MTUS2: variants seen among roughly 807,000 people sequenced by gnomAD.
The protein encoded by MTUS2 is microtubule associated scaffold protein 2, also known as microtubule-associated tumor suppressor candidate 2.
MTUS2 carries 40 observed loss-of-function variants against 114.1 expected under a neutral mutation model. The observed-to-expected ratio is 0.35, with a 90% CI of 0.27 to 0.46. The LOEUF is 0.46. Ranked by LOEUF, MTUS2 falls within the 20% of genes least tolerant of loss-of-function variation. The pLI is 1.00. For synonymous variants in MTUS2, 688 were observed against 672.0 expected (o/e 1.02, Z -0.37); for missense variants, 1,679 against 1,705.4 (o/e 0.98, Z 0.27).
At chr13:29,054,521 AC>A (rs1888040852) in intron 4 of MTUS2, among the ~76,000 whole-genome samples, 2 of 152,096 alleles carry the variant, frequency 1.3e-5, no homozygotes, top group Admixed American at 1.3e-4. Context: ...GGCTGGAGAG[AC>A]AGGGGGAGTT....
At chr13:29,391,585 G>A (rs904551833) in intron 8 of MTUS2, among the ~76,000 whole-genome samples, 1 of 151,700 alleles carries the variant, frequency 6.6e-6, no homozygotes, top group African/African-American at 2.4e-5. Context: ...GAGATTTAGG[G>A]AATCTTCCTT....
At chr13:29,457,996 C>T (rs1000797701) in intron 9 of MTUS2, among the ~76,000 whole-genome samples, 2 of 152,174 alleles carry the variant, frequency 1.3e-5, no homozygotes, top group Admixed American at 6.5e-5. Context: ...TCATGATCCG[C>T]CTGCCTCGGC....
chr13:28,825,574 A>AAC (rs147787199), intron 1 of MTUS2, among the ~76,000 whole-genome samples: 24 of 151,262 alleles, frequency 1.6e-4, no homozygotes, highest in Non-Finnish European at 2.1e-4. Flanking sequence ...TAACCAGAAC[A>AAC]ACACACACAC....
intron 6 of MTUS2, among the ~76,000 whole-genome samples, chr13:29,319,937 G>A (rs751453259): frequency 6.6e-6 from 1 of 152,188 alleles, no homozygotes; most frequent in Non-Finnish European, 1.5e-5. Flanking sequence ...TGAGTTTTTG[G>A]TGAGTAAAAA....
At chr13:28,983,365 G>A (rs1179136861) in intron 2 of MTUS2, among the ~76,000 whole-genome samples, 1 of 152,170 alleles carries the variant, frequency 6.6e-6, no homozygotes, top group African/African-American at 2.4e-5. Flanking sequence ...AGCCATGTGT[G>A]GCTGTTGTGC....
intron 5 of MTUS2, among the ~76,000 whole-genome samples, chr13:29,195,207 A>C (rs1240713324): frequency 2.0e-5 from 3 of 151,304 alleles, no homozygotes; most frequent in East Asian, 1.9e-4. Flanking sequence ...ACTAACCTGC[A>C]CATTGTGCAC....
intron 2 of MTUS2, among the ~76,000 whole-genome samples, chr13:29,022,173 G>A (rs1180946816): frequency 6.6e-6 from 1 of 152,118 alleles, no homozygotes; most frequent in Non-Finnish European, 1.5e-5. Flanking sequence ...TTTAAAAAAT[G>A]GAACAAAAAC....
intron 8 of MTUS2, among the ~76,000 whole-genome samples, chr13:29,395,740 C>T (rs1308955604): frequency 6.6e-6 from 1 of 152,158 alleles, no homozygotes; most frequent in Non-Finnish European, 1.5e-5. Context: ...GCTTAAATAG[C>T]TGTTATGAGA....
At chr13:29,097,416 T>C (rs1477889333) in intron 4 of MTUS2, among the ~76,000 whole-genome samples, 2 of 152,224 alleles carry the variant, frequency 1.3e-5, no homozygotes, top group Non-Finnish European at 2.9e-5. Context: ...ATGTGCCACC[T>C]CAGCTTTCCT....
intron 8 of MTUS2, among the ~76,000 whole-genome samples, chr13:29,426,163 C>G (rs374466278): frequency 1.3e-5 from 2 of 152,138 alleles, no homozygotes; most frequent in African/African-American, 4.8e-5. Flanking sequence ...AGCTGTTTGC[C>G]TCCGGATAAA....
At chr13:28,822,230 A>G (rs1873951907) in intron 1 of MTUS2, among the ~76,000 whole-genome samples, 1 of 152,160 alleles carries the variant, frequency 6.6e-6, no homozygotes, top group Non-Finnish European at 1.5e-5. Context: ...AGCAGATCTT[A>G]TGGATGGTTT....
intron 6 of MTUS2, among the ~76,000 whole-genome samples, chr13:29,299,966 G>A (rs887300135): frequency 3.3e-5 from 5 of 152,002 alleles, no homozygotes; most frequent in Non-Finnish European, 7.4e-5. Context: ...TTTTGGAGGG[G>A]GGGGCACTTG....
intron 5 of MTUS2, among the ~76,000 whole-genome samples, chr13:29,171,213 A>G (rs61945880): frequency 4.6e-4 from 70 of 152,178 alleles, no homozygotes; most frequent in Non-Finnish European, 8.7e-4. Flanking sequence ...TGGTTAATGT[A>G]GGGCTAACAA....
intron 2 of MTUS2, among the ~76,000 whole-genome samples, chr13:28,949,306 C>T (rs1382191532): frequency 6.6e-6 from 1 of 150,652 alleles, no homozygotes; most frequent in Non-Finnish European, 1.5e-5. Context: ...TAGCCAGTGG[C>T]CTGCCTTGGG....
rs140588107 is a variant in MTUS2, at chr13:29,427,023, G to A, written c.3118-12960G>A. ...GTACTGTGAGCTTCTTTCCCTCTGA[G>A]GTCTGCCCAAGCTCACTGCCAAGGA... On this transcript the variant is annotated intron_variant, in intron 8 of 15. Transcript: ENST00000612955. 1.1e-4 allele frequency among the ~76,000 whole-genome samples: 16 copies of A among 152,300 alleles called. No individual in the cohort carries two copies. In the East Asian group the frequency reaches 2.3e-3, roughly 22 times the overall value.
At chr13:29,418,335 A>T (rs945319983) in intron 8 of MTUS2, among the ~76,000 whole-genome samples, 1 of 152,106 alleles carries the variant, frequency 6.6e-6, no homozygotes, top group South Asian at 2.1e-4. Context: ...CTTCCCCTTC[A>T]TTCAAAGGGT....
intron 8 of MTUS2, among the ~76,000 whole-genome samples, chr13:29,386,287 A>G (rs1872626818): frequency 1.3e-5 from 2 of 152,320 alleles, no homozygotes; most frequent in East Asian, 1.9e-4. Context: ...TGTGAATACT[A>G]CAAAGACAGC....
At chr13:29,094,159 T>C (rs1890079866) in intron 4 of MTUS2, among the ~76,000 whole-genome samples, 1 of 152,112 alleles carries the variant, frequency 6.6e-6, no homozygotes, top group Non-Finnish European at 1.5e-5. Flanking sequence ...TTTATAGTTT[T>C]CTTGAGATGT....
intron 5 of MTUS2, among the ~76,000 whole-genome samples, chr13:29,106,896 G>A (rs1346129021): frequency 6.6e-6 from 1 of 151,866 alleles, no homozygotes; most frequent in Non-Finnish European, 1.5e-5. Flanking sequence ...CCATGACCTG[G>A]CCCTCCCACC....
Sources: gnomAD v4.1 joint callset for allele counts (sites outside exome capture counted in the v4.1 genomes callset) on GRCh38, gnomAD v4.1.1 for gene constraint, MANE v1.5 for transcripts, NCBI Gene and HGNC (gene_info 2026-07-23, HGNC 2026-07-21) for gene names.